The following DOCK7 variants were observed in gnomAD, a reference collection of about 807,000 sequenced individuals.
DOCK7 encodes the protein dedicator of cytokinesis protein 7.
Under a neutral mutation model 271.0 loss-of-function variants are expected in DOCK7, and 138 were observed. The observed-to-expected ratio is 0.51, with a 90% CI of 0.44 to 0.59. DOCK7 has a LOEUF of 0.59. Ranked by LOEUF, DOCK7 falls within the 20% of genes least tolerant of loss-of-function variation. DOCK7 has a pLI of 0.00. For missense variants in DOCK7, 2,066 were observed against 2,592.4 expected, an observed-to-expected ratio of 0.80 and a Z score of 4.41; for synonymous variants, 823 against 876.1, an observed-to-expected ratio of 0.94 and a Z score of 1.07.
In DOCK7 at chr1:62,539,876, T is replaced by G; in HGVS notation, c.3062A>C (p.His1021Pro). The G allele has an allele frequency of 6.8e-6, 11 of 1,606,098 alleles. No homozygotes were observed. The highest frequency in any genetic ancestry group is 9.3e-6 in the Non-Finnish European group (11 of 1,177,044). ...FFELMVKSMV[H>P]HLYFNDKLEA... Reference sequence around the variant, plus strand: ...AAGTTTATCATTAAAGTATAAATGGTGCACCATGCTCTTTACCTGAAAAAA... The same window carrying G: ...AAGTTTATCATTAAAGTATAAATGGGGCACCATGCTCTTTACCTGAAAAAA... The change falls in exon 26 of 50, where the codon CAC becomes CCC. Residue 1021 changes from histidine to proline, a missense_variant. Coordinates refer to ENST00000635253, the MANE Select transcript of DOCK7 (RefSeq NM_001367561.1).
chr1:62,619,866 G>T, intron 13 of DOCK7, 34 bp downstream of exon 13: 1 of 1,378,036 alleles, frequency 7.3e-7, no homozygotes, highest in Non-Finnish European at 1.0e-6. Context: ...GATAATAATA[G>T]TTGCAACCAT....
chr1:62,578,057 G>A (rs1004843470), intron 17 of DOCK7, among the ~76,000 whole-genome samples: 1 of 152,046 alleles, frequency 6.6e-6, no homozygotes, highest in Non-Finnish European at 1.5e-5. Context: ...CCTAGCAGCT[G>A]GGATCACAGG....
chr1:62,485,986 C>T (rs1444906815), intron 43 of DOCK7: 2 of 152,224 alleles, frequency 1.3e-5, no homozygotes, highest in East Asian at 3.9e-4. Context: ...GAAAATTATA[C>T]CTTTCAGGGG....
In DOCK7 at chr1:62,528,268, G is replaced by T. The variant is rs1442998764; in HGVS notation, c.3819C>A (p.Ala1273=). The change falls in exon 31 of 50, where the codon GCC becomes GCA. Residue 1273 remains alanine, a synonymous_variant. Transcript: ENST00000635253. ...CGCTCTCACTTTCATAATCATCAGT[G>T]GCTATACAAATTGGTCTTCCTCGTT... ...HNQRGRPICI[A]TDDYESESGS... 1 of 1,613,036 alleles carries T rather than the reference G, an allele frequency of 6.2e-7. No individual in the cohort carries two copies. Among genetic ancestry groups the T allele is most frequent in the East Asian group, 2.2e-5 (1 of 44,802 alleles).
chr1:62,565,311 A>G (rs1646474933), intron 18 of DOCK7, among the ~76,000 whole-genome samples: 1 of 152,218 alleles, frequency 6.6e-6, no homozygotes, highest in Non-Finnish European at 1.5e-5. Flanking sequence ...AAAATCCTCA[A>G]TAAAATACTG....
At chr1:62,579,902 A>T (rs559051126) in intron 16 of DOCK7, among the ~76,000 whole-genome samples, 56 of 152,212 alleles carry the variant, frequency 3.7e-4, no homozygotes, top group African/African-American at 1.3e-3. Flanking sequence ...CAGACTCTTA[A>T]GAATACATCA....
intron 14 of DOCK7, among the ~76,000 whole-genome samples, chr1:62,589,397 T>C (rs985163000): frequency 6.6e-5 from 10 of 152,276 alleles, no homozygotes; most frequent in Middle Eastern, 3.4e-3. Flanking sequence ...AAAAAAACAA[T>C]GCAAGCTGGT....
At position 62,641,991 on chromosome 1, in the gene DOCK7, G is replaced by GT. The variant is rs200138786; in HGVS notation, c.819-5389dup. 7.0e-4 allele frequency among the ~76,000 whole-genome samples: 104 copies of GT among 148,208 alleles called. No individual in the cohort carries two copies. In the East Asian group the frequency reaches 0.014, roughly 19 times the overall value. On this transcript the variant is annotated intron_variant, in intron 7 of 49. Coordinates refer to ENST00000635253, the MANE Select transcript of DOCK7 (RefSeq NM_001367561.1). ...TCTTTAATAAAAGACATGTAACTGG[G>GT]TTTTTTTTTAATGCAATCCGATAAT...
Position 62,475,857 on chromosome 1 carries a change from A to G in DOCK7, c.5811T>C (p.Asn1937=). 1.9e-6 allele frequency: 3 copies of G among 1,614,096 alleles called. No homozygotes were observed. The highest frequency in any genetic ancestry group is 2.7e-5 in the African/African-American group (2 of 75,050). The change falls in exon 46 of 50, where the codon AAT becomes AAC. Residue 1937 remains asparagine (N), a synonymous_variant. Coordinates refer to ENST00000635253, the MANE Select transcript of DOCK7 (RefSeq NM_001367561.1). ...GTGTACAGTACATGAATCGACGAAG[A>G]TTGTAATTTTTGTCGAAATAGGTGA... ...DRITYFDKNY[N]LRRFMYCTPF...
At chr1:62,619,497 T>C (rs1365555580) in intron 13 of DOCK7, among the ~76,000 whole-genome samples, 1 of 152,202 alleles carries the variant, frequency 6.6e-6, no homozygotes, top group African/African-American at 2.4e-5. Context: ...ATTTATAAAT[T>C]AGGCAAAGTA....
intron 48 of DOCK7, among the ~76,000 whole-genome samples, chr1:62,472,803 A>G (rs908441484): frequency 1.3e-5 from 2 of 152,188 alleles, no homozygotes; most frequent in Admixed American, 6.5e-5. Context: ...GAGAGTCTAG[A>G]ATTTTGGTAC....
chr1:62,655,741 T>A (rs1274667347), intron 2 of DOCK7, among the ~76,000 whole-genome samples: 2 of 152,206 alleles, frequency 1.3e-5, no homozygotes, highest in African/African-American at 4.8e-5. Flanking sequence ...CTTAACATTT[T>A]AAAGATATTG....
chr1:62,618,172 G>T (rs1652695647), intron 14 of DOCK7, among the ~76,000 whole-genome samples: 1 of 152,070 alleles, frequency 6.6e-6, no homozygotes, highest in African/African-American at 2.4e-5. Context: ...GTAATGTTCA[G>T]TCTGAAAAGT....
At chr1:62,479,533 T>A (rs1336063830) in intron 43 of DOCK7, among the ~76,000 whole-genome samples, 2 of 151,838 alleles carry the variant, frequency 1.3e-5, no homozygotes, top group African/African-American at 4.8e-5. Flanking sequence ...AACAACATAA[T>A]AATAGTAAAT....
chr1:62,574,842 G>A (rs1234563682), intron 18 of DOCK7, among the ~76,000 whole-genome samples: 5 of 151,924 alleles, frequency 3.3e-5, no homozygotes, highest in South Asian at 2.1e-4. Context: ...CGATTCTCAC[G>A]CCTCAGCCTC....
intron 4 of DOCK7, among the ~76,000 whole-genome samples, chr1:62,652,855 G>A (rs557256608): frequency 1.3e-5 from 2 of 152,226 alleles, no homozygotes; most frequent in Admixed American, 1.3e-4. Context: ...TATATAAAGG[G>A]CAGCAGACTG....
In DOCK7 at chr1:62,487,849, C is replaced by T. The variant is rs558612711; in HGVS notation, c.5494-437G>A. On this transcript the variant is annotated intron_variant, in intron 42 of 49. Coordinates refer to ENST00000635253, the MANE Select transcript of DOCK7 (RefSeq NM_001367561.1). ...CCTAACATTTATAATTTGCAATTTA[C>T]AGCTCTAGAAACTGGCTTGAGGTTC... 18 of 160,808 alleles carry T rather than the reference C, an allele frequency of 1.1e-4. No individual in the cohort carries two copies. In the South Asian group the frequency reaches 3.1e-3, roughly 28 times the overall value. 10.0% of individuals were successfully genotyped at this position (160,808 alleles called of 1,614,324 possible). A position where few individuals can be genotyped will look rare whatever the true frequency, so the allele number is the denominator to read the frequency against.
intron 7 of DOCK7, among the ~76,000 whole-genome samples, chr1:62,642,263 C>T (rs2149662564): frequency 6.6e-6 from 1 of 152,162 alleles, no homozygotes; most frequent in African/African-American, 2.4e-5. Flanking sequence ...TGCATGCCAA[C>T]ATGCCCGGCT....
intron 35 of DOCK7, among the ~76,000 whole-genome samples, chr1:62,506,164 G>A (rs1288146828): frequency 6.6e-6 from 1 of 152,022 alleles, no homozygotes; most frequent in Non-Finnish European, 1.5e-5. Context: ...AAATTGAGTG[G>A]TGCCTAGAGC....
Sources: gnomAD v4.1 joint callset for allele counts (sites outside exome capture counted in the v4.1 genomes callset) on GRCh38, gnomAD v4.1.1 for gene constraint, MANE v1.5 for transcripts, NCBI Gene and HGNC (gene_info 2026-07-23, HGNC 2026-07-21) for gene names.